Variants in RASSF8 observed in about 807,000 individuals in gnomAD.
RASSF8 encodes the protein ras association domain-containing protein 8.
In RASSF8, 22 loss-of-function variants were observed where a neutral mutation model predicts 48.5. The ratio of observed to expected loss-of-function variants is 0.45; its 90% CI spans 0.32 to 0.65. RASSF8 has a LOEUF of 0.65. Among genes scored for constraint, RASSF8 ranks in the 30% least tolerant of loss-of-function variants. The pLI is 0.03. For missense variants in RASSF8, 418 were observed against 489.2 expected (o/e 0.85, Z 1.37); for synonymous variants, 127 against 171.5 (o/e 0.74, Z 2.03).
At chr12:25,994,281 A>ATT (rs1565609213) in intron 1 of RASSF8, among the ~76,000 whole-genome samples, 215 of 36,000 alleles carry the variant, frequency 6.0e-3, no homozygotes, top group African/African-American at 0.017. Context: ...AGATTTTTAA[A>ATT]AAAAAAAAAA....
chr12:25,977,889 A>T (rs11048364), intron 1 of RASSF8, among the ~76,000 whole-genome samples: 1 of 151,994 alleles, frequency 6.6e-6, no homozygotes, highest in Non-Finnish European at 1.5e-5. Context: ...GACACTTGGA[A>T]GGTCATTGTA....
intron 1 of RASSF8, among the ~76,000 whole-genome samples, chr12:25,977,260 G>A (rs1254276160): frequency 4.6e-5 from 7 of 152,110 alleles, no homozygotes; most frequent in Non-Finnish European, 7.4e-5. Flanking sequence ...CAGCCACGTC[G>A]TTATGGCATC....
In RASSF8 at chr12:26,040,403, A is replaced by G. The variant is rs1943238546; in HGVS notation, c.-108-14833A>G. On this transcript the variant is annotated intron_variant, in intron 2 of 5. Coordinates refer to ENST00000689635, the MANE Select transcript of RASSF8 (RefSeq NM_001394098.1). ...CATGCGGTGAAGGTTACTGGGGGGT[A>G]ATAGTGGCCGAGGGGAGTGGTGAAG... Among the ~76,000 whole-genome samples, 5 of 152,186 alleles carry G rather than the reference A, an allele frequency of 3.3e-5. 1 individual carries two copies. In the South Asian group the frequency reaches 1.0e-3, roughly 31 times the overall value.
Position 25,963,321 on chromosome 12 carries a change from C to CAAAAA in RASSF8, c.-203+4191_-203+4195dup, listed in dbSNP as rs61607517. Among the ~76,000 whole-genome samples the CAAAAA allele has an allele frequency of 2.5e-3, 239 of 96,100 alleles. 1 individual carries two copies. The highest frequency in any genetic ancestry group is 4.4e-3 in the East Asian group (16 of 3,646). The allele number at this position is 96,100 out of a possible 152,430, so 63.0% of individuals were successfully genotyped here. A position where few individuals can be genotyped will look rare whatever the true frequency, so the allele number is the denominator to read the frequency against. On this transcript the variant is annotated intron_variant, in intron 1 of 5. Coordinates refer to ENST00000689635, the MANE Select transcript of RASSF8 (RefSeq NM_001394098.1). The stretch of plus-strand genomic sequence containing the variant: ...TCACTAAAGCATTCCTTGTTTTAGC[C>CAAAAA]AAAAAAAAAAAAAAAAAAAAAAGTC...
intron 3 of RASSF8, 22 bp downstream of exon 3, chr12:26,055,468 C>T (rs1943581600): frequency 1.9e-6 from 3 of 1,554,876 alleles, no homozygotes; most frequent in South Asian, 2.2e-5. Context: ...CTGTGGGTAT[C>T]TGAGAAAAGT....
intron 2 of RASSF8, among the ~76,000 whole-genome samples, chr12:26,000,731 A>C (rs1370770299): frequency 6.6e-6 from 1 of 152,180 alleles, no homozygotes; most frequent in Non-Finnish European, 1.5e-5. Flanking sequence ...GGCAATTGTA[A>C]TACAGTGGTA....
At chr12:25,966,122 A>G (rs1221155693) in intron 1 of RASSF8, among the ~76,000 whole-genome samples, 1 of 152,224 alleles carries the variant, frequency 6.6e-6, no homozygotes, top group African/African-American at 2.4e-5. Context: ...TGTTTTCCCA[A>G]GTGATTGTAC....
chr12:26,061,027 T>C (rs190272057), intron 3 of RASSF8, among the ~76,000 whole-genome samples: 1 of 152,288 alleles, frequency 6.6e-6, no homozygotes, highest in East Asian at 1.9e-4. Flanking sequence ...GTGATGAAGA[T>C]GTTTAGTAGA....
chr12:26,036,542 G>T (rs745314869), intron 2 of RASSF8, among the ~76,000 whole-genome samples: 60 of 152,040 alleles, frequency 3.9e-4, no homozygotes, highest in Admixed American at 2.1e-3. Context: ...TTTTAAAAGA[G>T]CCAAGATGAC....
chr12:26,020,823 C>T (rs1942770623), intron 2 of RASSF8, among the ~76,000 whole-genome samples: 2 of 152,124 alleles, frequency 1.3e-5, no homozygotes, highest in Admixed American at 1.3e-4. Context: ...TGCTTTTCCA[C>T]TTAGCTGTGT....
At chr12:26,058,136 A>T (rs1943651117) in intron 3 of RASSF8, among the ~76,000 whole-genome samples, 1 of 152,166 alleles carries the variant, frequency 6.6e-6, no homozygotes, top group South Asian at 2.1e-4. Flanking sequence ...TCAATAACTC[A>T]ATCCAAGAGC....
At chr12:26,018,074 T>C (rs1942694137) in intron 2 of RASSF8, among the ~76,000 whole-genome samples, 1 of 152,188 alleles carries the variant, frequency 6.6e-6, no homozygotes, top group South Asian at 2.1e-4. Flanking sequence ...TTAACTTTTG[T>C]TAACATTTAT....
intron 1 of RASSF8, among the ~76,000 whole-genome samples, chr12:25,961,998 G>A (rs758071348): frequency 1.3e-5 from 2 of 151,704 alleles, no homozygotes; most frequent in African/African-American, 4.8e-5. Flanking sequence ...TCCTTGGTGC[G>A]GTGCCTCCTG....
At chr12:26,037,187 G>A (rs10732539) in intron 2 of RASSF8, among the ~76,000 whole-genome samples, 137,680 of 152,162 alleles carry the variant, frequency 0.9, 62,411 homozygotes, top group East Asian at 0.99. Flanking sequence ...GGAAGAGGCA[G>A]GGTGGGAAAC....
At chr12:25,983,443 A>G (rs34595529) in intron 1 of RASSF8, among the ~76,000 whole-genome samples, 10,051 of 152,280 alleles carry the variant, frequency 0.066, 719 homozygotes, top group East Asian at 0.27. Flanking sequence ...ATACATGTGT[A>G]TGATTTAAGC....
intron 2 of RASSF8, among the ~76,000 whole-genome samples, chr12:26,031,086 ACT>A (rs775419096): frequency 6.6e-5 from 10 of 151,950 alleles, no homozygotes; most frequent in African/African-American, 9.7e-5. Flanking sequence ...ATAAATGAAG[ACT>A]CTTTACAGTT....
chr12:25,990,061 T>G (rs1039465256), intron 1 of RASSF8, among the ~76,000 whole-genome samples: 2 of 143,756 alleles, frequency 1.4e-5, no homozygotes, highest in Non-Finnish European at 2.9e-5. Flanking sequence ...TGCCTGGGAC[T>G]TATTTGTTGA....
intron 2 of RASSF8, among the ~76,000 whole-genome samples, chr12:26,031,739 T>C (rs1392670805): frequency 1.3e-5 from 2 of 152,132 alleles, no homozygotes; most frequent in African/African-American, 2.4e-5. Flanking sequence ...AGAGTGGGAA[T>C]GGGAGAACTT....
intron 2 of RASSF8, among the ~76,000 whole-genome samples, chr12:25,995,609 G>T (rs1326803979): frequency 6.6e-6 from 1 of 152,120 alleles, no homozygotes; most frequent in East Asian, 1.9e-4. Flanking sequence ...CCTTTAGCTT[G>T]TGTTTCCATT....
Sources: allele counts gnomAD v4.1 joint callset (sites outside exome capture counted in the v4.1 genomes callset), GRCh38; gene constraint gnomAD v4.1.1; transcripts MANE v1.5; gene names NCBI Gene and HGNC (gene_info 2026-07-23, HGNC 2026-07-21).